Variants in TYW1 observed in about 807,000 individuals in gnomAD.
The protein encoded by TYW1 is tRNA-yW synthesizing protein 1 homolog.
In TYW1, 46 loss-of-function variants were observed where a neutral mutation model predicts 96.2. The ratio of observed to expected loss-of-function variants is 0.48; its 90% CI spans 0.38 to 0.61. The LOEUF (loss-of-function observed/expected upper bound fraction) is 0.61, where lower values mean the gene tolerates loss of function less well. Among genes scored for constraint, TYW1 ranks in the 20% least tolerant of loss-of-function variants. TYW1 has a pLI of 0.00. For missense variants in TYW1, 684 were observed against 909.6 expected (o/e 0.75, Z 3.19); for synonymous variants, 274 against 323.0 (o/e 0.85, Z 1.63).
At chr7:67,182,014 A>G (rs1482646973) in intron 13 of TYW1, among the ~76,000 whole-genome samples, 1 of 151,974 alleles carries the variant, frequency 6.6e-6, no homozygotes, top group Non-Finnish European at 1.5e-5. Flanking sequence ...TTTTTAGTAG[A>G]GACGGGGTTT....
intron 11 of TYW1, among the ~76,000 whole-genome samples, chr7:67,085,270 A>G (rs1461621318): frequency 1.3e-5 from 2 of 152,102 alleles, no homozygotes; most frequent in Non-Finnish European, 2.9e-5. Flanking sequence ...AATCTCCATA[A>G]TCCCCATAAT....
intron 9 of TYW1, among the ~76,000 whole-genome samples, chr7:67,065,567 G>A (rs1417477259): frequency 6.6e-6 from 1 of 151,762 alleles, no homozygotes; most frequent in Non-Finnish European, 1.5e-5. Flanking sequence ...TTAGGAACTT[G>A]GAAGAGGTTT....
intron 6 of TYW1, among the ~76,000 whole-genome samples, chr7:67,020,328 A>G (rs1794205762): frequency 6.8e-6 from 1 of 146,572 alleles, no homozygotes; most frequent in Admixed American, 6.8e-5. Context: ...AGCTGCAGTG[A>G]GCTATGATCA....
chr7:67,053,580 A>G (rs974713574), intron 8 of TYW1, among the ~76,000 whole-genome samples: 7 of 151,986 alleles, frequency 4.6e-5, no homozygotes, highest in Admixed American at 1.3e-4. Context: ...GGGTTTCACC[A>G]TGTTGATCAG....
chr7:67,230,313 C>T (rs1801708350), intron 15 of TYW1, among the ~76,000 whole-genome samples: 1 of 146,254 alleles, frequency 6.8e-6, no homozygotes, highest in African/African-American at 2.6e-5. Context: ...CCAGTCCTCT[C>T]CTTTCCTCTG....
rs373761755 is a variant in TYW1 at position 67,131,933 on chromosome 7, G to A, written c.1698+14315G>A. 4.5e-4 allele frequency among the ~76,000 whole-genome samples: 68 copies of A among 152,280 alleles called. No individual in the cohort carries two copies. The East Asian group carries it at 5.0e-3, about 11-fold the overall frequency. ...GACTCAGCCAGTCTAGTTTTTCCACGTTCTTCTGCCTGCTTTTATTCCGGC... is the reference window on the plus strand; with the variant it reads ...GACTCAGCCAGTCTAGTTTTTCCACATTCTTCTGCCTGCTTTTATTCCGGC... On this transcript the variant is annotated intron_variant, in intron 13 of 15. Coordinates refer to ENST00000359626, the MANE Select transcript of TYW1 (RefSeq NM_018264.4).
chr7:67,026,946 A>C (rs759775966), intron 7 of TYW1, among the ~76,000 whole-genome samples: 35 of 152,292 alleles, frequency 2.3e-4, no homozygotes, highest in Non-Finnish European at 4.4e-4. Context: ...CTGTAATCCC[A>C]GCACTTTGGG....
chr7:67,136,046 A>G (rs1347537389), intron 13 of TYW1, among the ~76,000 whole-genome samples: 1 of 152,200 alleles, frequency 6.6e-6, no homozygotes, highest in African/African-American at 2.4e-5. Flanking sequence ...TGTTTTACAG[A>G]TGAGGAAATT....
intron 15 of TYW1, among the ~76,000 whole-genome samples, chr7:67,214,716 T>A (rs1320513476): frequency 6.6e-6 from 1 of 151,210 alleles, no homozygotes; most frequent in African/African-American, 2.4e-5. Context: ...ATAAATCAGT[T>A]ACAATTTTGT....
intron 9 of TYW1, among the ~76,000 whole-genome samples, chr7:67,057,298 C>T (rs1795551128): frequency 6.6e-6 from 1 of 151,918 alleles, no homozygotes; most frequent in South Asian, 2.1e-4. Flanking sequence ...CAGGTTTGAG[C>T]CACCGTGCCT....
chr7:67,082,184 G>C (rs1459299840), intron 10 of TYW1, among the ~76,000 whole-genome samples: 2 of 151,696 alleles, frequency 1.3e-5, no homozygotes, highest in Non-Finnish European at 2.9e-5. Context: ...ATGTTTTCTT[G>C]CTATTTCATG....
intron 15 of TYW1, among the ~76,000 whole-genome samples, chr7:67,222,515 A>C (rs1385421847): frequency 2.0e-5 from 3 of 151,978 alleles, no homozygotes; most frequent in Admixed American, 2.0e-4. Flanking sequence ...TAGCTTTCTG[A>C]GCTCCAAAAT....
chr7:67,150,462 A>G (rs577079798), intron 13 of TYW1, among the ~76,000 whole-genome samples: 54 of 152,364 alleles, frequency 3.5e-4, no homozygotes, highest in Admixed American at 5.9e-4. Context: ...ATCCTACAAC[A>G]TCTGTGTGAT....
intron 6 of TYW1, among the ~76,000 whole-genome samples, chr7:67,024,277 G>A (rs920628515): frequency 5.3e-5 from 8 of 152,058 alleles, no homozygotes; most frequent in Admixed American, 4.6e-4. Context: ...TGATGCTCCT[G>A]CGTCAGCCTC....
intron 3 of TYW1, among the ~76,000 whole-genome samples, chr7:67,007,785 C>T (rs1793654704): frequency 3.3e-5 from 5 of 152,070 alleles, no homozygotes; most frequent in Admixed American, 2.6e-4. Context: ...CAGGTGCCCA[C>T]CACCACTCCT....
intron 15 of TYW1, among the ~76,000 whole-genome samples, chr7:67,208,208 C>G (rs1228311932): frequency 6.6e-6 from 1 of 151,916 alleles, no homozygotes; most frequent in Non-Finnish European, 1.5e-5. Flanking sequence ...GTAGTCCCAA[C>G]TACTTGCGAG....
intron 11 of TYW1, among the ~76,000 whole-genome samples, chr7:67,097,470 C>T (rs1796955389): frequency 6.6e-6 from 1 of 152,056 alleles, no homozygotes. Context: ...ACTGTCTCCT[C>T]TCACTGCAAT....
At chr7:67,100,351 A>T (rs1368722791) in intron 12 of TYW1, among the ~76,000 whole-genome samples, 1 of 151,414 alleles carries the variant, frequency 6.6e-6, no homozygotes, top group Non-Finnish European at 1.5e-5. Flanking sequence ...CTCATCCGTT[A>T]TGTATTGGTG....
At chr7:67,131,442 C>T (rs894105559) in intron 13 of TYW1, among the ~76,000 whole-genome samples, 2 of 152,182 alleles carry the variant, frequency 1.3e-5, no homozygotes, top group Admixed American at 1.3e-4. Flanking sequence ...AATTCATTTG[C>T]AGTCTCTGTG....
Sources: allele counts gnomAD v4.1 joint callset (sites outside exome capture counted in the v4.1 genomes callset), GRCh38; gene constraint gnomAD v4.1.1; transcripts MANE v1.5; gene names NCBI Gene and HGNC (gene_info 2026-07-23, HGNC 2026-07-21).